CSMD1: variants seen among roughly 807,000 people sequenced by gnomAD.
The protein encoded by CSMD1 is CUB and sushi domain-containing protein 1.
In CSMD1, 213 loss-of-function variants were observed where a neutral mutation model predicts 417.5. The observed-to-expected ratio is 0.51, with a 90% CI of 0.46 to 0.57. CSMD1 has a LOEUF of 0.57. Among genes scored for constraint, CSMD1 ranks in the 20% least tolerant of loss-of-function variants. The pLI is 0.00. For missense variants in CSMD1, 6,923 were observed against 4,529.7 expected (o/e 1.53, Z -15.17); for synonymous variants, 2,862 against 1,736.8 (o/e 1.65, Z -16.11).
At chr8:4,429,773 C>G (rs148463131) in intron 2 of CSMD1, among the ~76,000 whole-genome samples, 1 of 152,236 alleles carries the variant, frequency 6.6e-6, no homozygotes, top group African/African-American at 2.4e-5. Flanking sequence ...GTGCTCCACC[C>G]GTATTTGTTG....
At chr8:4,432,977 T>A (rs180675892) in intron 2 of CSMD1, among the ~76,000 whole-genome samples, 12 of 152,176 alleles carry the variant, frequency 7.9e-5, no homozygotes, top group African/African-American at 2.4e-4. Flanking sequence ...TCCACCCTCC[T>A]GTCAGATCAG....
chr8:4,325,456 A>G (rs963495251), intron 3 of CSMD1, among the ~76,000 whole-genome samples: 1 of 152,178 alleles, frequency 6.6e-6, no homozygotes. Flanking sequence ...ACTTCATGTA[A>G]GAATCGTCTA....
chr8:4,191,848 A>C (rs143648075), intron 3 of CSMD1, among the ~76,000 whole-genome samples: 26 of 152,264 alleles, frequency 1.7e-4, no homozygotes, highest in African/African-American at 6.0e-4. Flanking sequence ...CAAAATCAAC[A>C]GTCAGTTTCC....
intron 3 of CSMD1, among the ~76,000 whole-genome samples, chr8:4,398,109 G>A (rs1244506626): frequency 3.3e-5 from 5 of 152,134 alleles, no homozygotes; most frequent in African/African-American, 9.7e-5. Context: ...CATCTTTTAT[G>A]TTGCTAATGC....
At chr8:3,911,141 A>C (rs1373820024) in intron 5 of CSMD1, among the ~76,000 whole-genome samples, 1 of 152,158 alleles carries the variant, frequency 6.6e-6, no homozygotes, top group African/African-American at 2.4e-5. Context: ...CAGGACTCAA[A>C]GAGCTCTCAG....
chr8:3,840,580 T>A (rs2129093844), intron 5 of CSMD1, among the ~76,000 whole-genome samples: 1 of 152,208 alleles, frequency 6.6e-6, no homozygotes, highest in Middle Eastern at 3.4e-3. Context: ...TATTTCAAGT[T>A]AAAACATGTG....
Position 3,998,166 on chromosome 8 carries a change from G to T in CSMD1, c.611-56C>A, listed in dbSNP as rs1003037944. Reference sequence around the variant, plus strand: ...ACATTTCAGGATGGTTTTCATACACGAGTGTGTCCACCAAGTGTCACTCTT... The same window carrying T: ...ACATTTCAGGATGGTTTTCATACACTAGTGTGTCCACCAAGTGTCACTCTT... On this transcript the variant is annotated intron_variant, in intron 4 of 69. Coordinates refer to ENST00000635120, the MANE Select transcript of CSMD1 (RefSeq NM_033225.6). 13 of 1,440,882 alleles carry T rather than the reference G, an allele frequency of 9.0e-6. No homozygotes were observed. The Admixed American group carries it at 1.2e-4, about 13-fold the overall frequency. 89.3% of individuals were successfully genotyped at this position (1,440,882 alleles called of 1,614,324 possible).
intron 1 of CSMD1, among the ~76,000 whole-genome samples, chr8:4,673,967 G>A (rs1193042784): frequency 6.6e-6 from 1 of 152,130 alleles, no homozygotes; most frequent in Non-Finnish European, 1.5e-5. Flanking sequence ...ACACCTCTGT[G>A]AATATATTAA....
intron 3 of CSMD1, among the ~76,000 whole-genome samples, chr8:4,380,318 C>T (rs1045555747): frequency 3.3e-5 from 5 of 152,124 alleles, no homozygotes; most frequent in Admixed American, 6.5e-5. Context: ...AGTGATAGCA[C>T]ACCCTCCTTA....
intron 3 of CSMD1, among the ~76,000 whole-genome samples, chr8:4,051,146 C>G (rs913967825): frequency 6.6e-6 from 1 of 151,870 alleles, no homozygotes; most frequent in African/African-American, 2.4e-5. Flanking sequence ...AGAAAAAAGA[C>G]CAGGAGTAGA....
chr8:3,690,526 C>G (rs979138026), intron 7 of CSMD1, among the ~76,000 whole-genome samples: 1 of 152,204 alleles, frequency 6.6e-6, no homozygotes, highest in East Asian at 1.9e-4. Context: ...CCCAAATAGA[C>G]TGTTAGTCAT....
chr8:3,873,488 G>C (rs756391041), intron 5 of CSMD1, among the ~76,000 whole-genome samples: 1 of 152,034 alleles, frequency 6.6e-6, no homozygotes, highest in Non-Finnish European at 1.5e-5. Context: ...TACCTTCTAA[G>C]TGGAAGGTGA....
Position 3,586,209 on chromosome 8 carries a change from T to G in CSMD1, c.1149A>C (p.Gly383=). 1 of 1,611,520 alleles carries G rather than the reference T, an allele frequency of 6.2e-7. No individual in the cohort carries two copies. Among genetic ancestry groups the G allele is most frequent in the East Asian group, 2.2e-5 (1 of 44,778 alleles). The change falls in exon 9 of 70, where the codon GGA becomes GGC. Residue 383 remains glycine, a synonymous_variant. Coordinates refer to ENST00000635120, the MANE Select transcript of CSMD1 (RefSeq NM_033225.6). The part of the protein sequence containing the change: ...FSCEDNYVLQ[G]SKSITCQRVT... Reference sequence around the variant, plus strand: ...CTCTCTGACAGGTGATGCTTTTAGATCCCTGGAGCACGTAATTGTCCTCAC... The same window carrying G: ...CTCTCTGACAGGTGATGCTTTTAGAGCCCTGGAGCACGTAATTGTCCTCAC...
chr8:4,121,747 G>A (rs1290240204), intron 3 of CSMD1, among the ~76,000 whole-genome samples: 4 of 151,874 alleles, frequency 2.6e-5, no homozygotes, highest in Admixed American at 2.6e-4. Flanking sequence ...GGATAAAACA[G>A]CATTAATTTG....
At chr8:4,184,922 G>T (rs921252301) in intron 3 of CSMD1, among the ~76,000 whole-genome samples, 1 of 150,108 alleles carries the variant, frequency 6.7e-6, no homozygotes, top group African/African-American at 2.5e-5. Flanking sequence ...TGGATCACCT[G>T]AGGTCAGGAG....
chr8:3,522,244 T>A (rs1411336310), intron 10 of CSMD1, among the ~76,000 whole-genome samples: 5 of 152,342 alleles, frequency 3.3e-5, no homozygotes, highest in African/African-American at 9.6e-5. Context: ...CATATGATAT[T>A]ACTTTGAAAA....
At chr8:4,934,045 T>C (rs1343439726) in intron 1 of CSMD1, among the ~76,000 whole-genome samples, 1 of 151,998 alleles carries the variant, frequency 6.6e-6, no homozygotes, top group East Asian at 1.9e-4. Context: ...GATAAATGTG[T>C]TCTAGCATGA....
At chr8:4,448,752 T>C (rs545348782) in intron 2 of CSMD1, among the ~76,000 whole-genome samples, 3 of 152,316 alleles carry the variant, frequency 2.0e-5, no homozygotes, top group South Asian at 2.1e-4. Flanking sequence ...CTGAATGACA[T>C]AATGACAACC....
intron 26 of CSMD1, among the ~76,000 whole-genome samples, chr8:3,268,463 G>C (rs1273777082): frequency 6.6e-6 from 1 of 151,578 alleles, no homozygotes; most frequent in Non-Finnish European, 1.5e-5. Context: ...TGATTTTTTT[G>C]TATTTTTAGT....
Sources: gnomAD v4.1 joint callset for allele counts (sites outside exome capture counted in the v4.1 genomes callset) on GRCh38, gnomAD v4.1.1 for gene constraint, MANE v1.5 for transcripts, NCBI Gene and HGNC (gene_info 2026-07-23, HGNC 2026-07-21) for gene names.